DOT1L: variants seen among roughly 807,000 people sequenced by gnomAD.
DOT1L encodes the protein DOT1 like histone lysine methyltransferase.
In DOT1L, 33 loss-of-function variants were observed where a neutral mutation model predicts 153.3. That is an observed-to-expected ratio of 0.22 (90% CI 0.16 to 0.29). The LOEUF (loss-of-function observed/expected upper bound fraction) is 0.29, where lower values mean the gene tolerates loss of function less well. DOT1L is among the 10% of genes least tolerant of loss of function. The pLI, the probability that DOT1L is intolerant of heterozygous loss-of-function variation, is 1.00. For missense variants in DOT1L, 1,847 were observed against 2,119.9 expected (o/e 0.87, Z 2.53); for synonymous variants, 1,135 against 965.1 (o/e 1.18, Z -3.26).
intron 1 of DOT1L, among the ~76,000 whole-genome samples, chr19:2,170,241 AGATAGTGTCC>A (rs1174158178): frequency 6.6e-6 from 1 of 152,236 alleles, no homozygotes; most frequent in Non-Finnish European, 1.5e-5. Flanking sequence ...AGGAACAGGA[AGATAGTGTCC>A]GAGACCAGGA....
chr19:2,166,389 C>T (rs911412565), intron 1 of DOT1L, among the ~76,000 whole-genome samples: 1 of 151,754 alleles, frequency 6.6e-6, no homozygotes, highest in African/African-American at 2.4e-5. Context: ...AGCCACCTCG[C>T]CTGGCCTCAC....
At chr19:2,228,542 C>A (rs745415298) in intron 27 of DOT1L, 20 of 985,334 alleles carry the variant, frequency 2.0e-5, no homozygotes, top group Non-Finnish European at 2.4e-5. Flanking sequence ...AGAGGAGGGA[C>A]TACAGGACGG....
intron 18 of DOT1L, 81 bp from the exon 19 acceptor site, chr19:2,214,390 C>T (rs2023826138): frequency 3.2e-6 from 5 of 1,561,462 alleles, no homozygotes; most frequent in South Asian, 2.4e-5. Flanking sequence ...GAGGCAGGCC[C>T]AGGGAACCCT....
At position 2,226,838 on chromosome 19, in the gene DOT1L, C is replaced by T; in HGVS notation, c.4317C>T (p.Leu1439=). 1 of 1,580,800 alleles carries T rather than the reference C, an allele frequency of 6.3e-7. No homozygotes were observed. Among genetic ancestry groups the T allele is most frequent in the Non-Finnish European group, 8.5e-7 (1 of 1,171,684 alleles). ...SAAAVPPGSL[L]SGPGLAPAAS... ...CGGCCGTGCCTCCCGGAAGCCTCCT[C>T]AGCGGCCCCGGCCTGGCCCCGGCGG... Residue 1439 remains leucine (L), a synonymous_variant, in exon 27 of 28, where the codon CTC becomes CTT. Coordinates refer to ENST00000398665, the MANE Select transcript of DOT1L (RefSeq NM_032482.3).
Position 2,229,772 on chromosome 19 carries a change from T to C in DOT1L, c.4607-13T>C. On this transcript the variant is annotated splice_polypyrimidine_tract_variant and intron_variant, in intron 27 of 27. Transcript: ENST00000398665. Reference sequence around the variant, plus strand: ...TAACCTCAGGCCGCTCTTCCCGCTGTGCCCTTCTGCAGGTAACTAGGATTT... The same window carrying C: ...TAACCTCAGGCCGCTCTTCCCGCTGCGCCCTTCTGCAGGTAACTAGGATTT... 6.2e-7 allele frequency: 1 copy of C among 1,613,302 alleles called. No individual in the cohort carries two copies. Among genetic ancestry groups the C allele is most frequent in the Non-Finnish European group, 8.5e-7 (1 of 1,179,952 alleles).
chr19:2,191,868 C>T lies in DOT1L; in HGVS notation c.493+628C>T, dbSNP rs531925175. ...GTGAGGTGTCGTCTCCTCTCAACCA[C>T]GGGCGGGGCTCCTTGAAACGAGGCC... On this transcript the variant is annotated intron_variant, in intron 5 of 27. Transcript: ENST00000398665. This position sits in a 1 kb window ranked among gnomAD's most constrained non-coding sequence, Gnocchi z 6.8. 3.1e-4 allele frequency among the ~76,000 whole-genome samples: 47 copies of T among 152,328 alleles called. No homozygotes were observed. In the South Asian group the frequency reaches 3.5e-3, roughly 11 times the overall value.
intron 2 of DOT1L, 66 bp from the exon 3 acceptor site, chr19:2,185,789 A>AC (rs1226881487): frequency 6.4e-7 from 1 of 1,570,708 alleles, no homozygotes; most frequent in Non-Finnish European, 8.8e-7. Context: ...CAAAAACAAA[A>AC]ACAAAACACA....
In DOT1L at chr19:2,226,839, A is replaced by G; in HGVS notation, c.4318A>G (p.Ser1440Gly). The G allele has an allele frequency of 2.5e-6, 4 of 1,579,850 alleles. No homozygotes were observed. The highest frequency in any genetic ancestry group is 3.4e-6 in the Non-Finnish European group (4 of 1,171,354). The change falls in exon 27 of 28, where the codon AGC becomes GGC. Residue 1440 changes from serine to glycine, a missense_variant. Ser to Gly is a moderately conservative substitution (Grantham distance 56). Around this residue, in one of 8 missense-constraint regions of DOT1L, gnomAD observed 934 missense variants for 825.3 expected, o/e 1.13. Transcript: ENST00000398665. Reference sequence around the variant, plus strand: ...GGCCGTGCCTCCCGGAAGCCTCCTCAGCGGCCCCGGCCTGGCCCCGGCGGC... The same window carrying G: ...GGCCGTGCCTCCCGGAAGCCTCCTCGGCGGCCCCGGCCTGGCCCCGGCGGC... ...AAAVPPGSLL[S>G]GPGLAPAASS...
chr19:2,230,332 C>A lies in DOT1L; in HGVS notation c.*540C>A. ...ACATTCCTCGGAGGCCTCCCCGCGG[C>A]CTGAGCCCCTTCCTGAGCGCCCTGG... On this transcript the variant is annotated 3_prime_UTR_variant, in exon 28 of 28. Transcript: ENST00000398665. 2 of 415,636 alleles carry A rather than the reference C, an allele frequency of 4.8e-6. No homozygotes were observed. The highest frequency in any genetic ancestry group is 4.2e-6 in the Non-Finnish European group (1 of 236,912). The allele number at this position is 415,636 out of a possible 1,614,324, so 25.7% of individuals were successfully genotyped here.
intron 25 of DOT1L, among the ~76,000 whole-genome samples, chr19:2,225,117 A>T (rs1453418884): frequency 3.3e-5 from 5 of 152,186 alleles, no homozygotes; most frequent in African/African-American, 1.2e-4. Context: ...TCTCCCATTC[A>T]GCTGCTGTGC....
chr19:2,171,797 G>T (rs1032781580), intron 1 of DOT1L, among the ~76,000 whole-genome samples: 2 of 152,216 alleles, frequency 1.3e-5, no homozygotes, highest in Admixed American at 1.3e-4. Flanking sequence ...TGAAGTTAGC[G>T]TAATGGGAGT....
In DOT1L at chr19:2,191,339, C is replaced by G. The variant is rs545505472; in HGVS notation, c.493+99C>G. 28 of 1,255,184 alleles carry G rather than the reference C, an allele frequency of 2.2e-5. 1 individual carries two copies. In the African/African-American group the frequency reaches 3.2e-4, roughly 15 times the overall value. 77.8% of individuals were successfully genotyped at this position (1,255,184 alleles called of 1,614,324 possible). ...TGGAGAAGAGTTTATCAGGGACTTG[C>G]GACGTTGGCGTGGACAGTGCTTCCT... On this transcript the variant is annotated intron_variant, in intron 5 of 27. Coordinates refer to ENST00000398665, the MANE Select transcript of DOT1L (RefSeq NM_032482.3). This position sits in a 1 kb window ranked among gnomAD's most constrained non-coding sequence, Gnocchi z 6.8.
rs1468542346 is a variant in DOT1L at position 2,207,921 on chromosome 19, C to T, written c.963+241C>T. 1.3e-5 allele frequency among the ~76,000 whole-genome samples: 2 copies of T among 152,108 alleles called. No homozygotes were observed. Among genetic ancestry groups the T allele is most frequent in the African/African-American group, 4.8e-5 (2 of 41,432 alleles). On this transcript the variant is annotated intron_variant, in intron 11 of 27. Coordinates refer to ENST00000398665, the MANE Select transcript of DOT1L (RefSeq NM_032482.3). The surrounding 1 kb of genome is among the most constrained non-coding windows in gnomAD (Gnocchi z 4.5). ...CTGGGTGAGGGCTGAGTGCTGTCTC[C>T]CCTAGTCTACGCTCAGCTCCTGGGG...
rs1359637777 is a variant in DOT1L at position 2,207,432 on chromosome 19, A to G, written c.857-142A>G. The stretch of plus-strand genomic sequence containing the variant: ...CTCCCTGGGCCGGCCTCTGTGGGCC[A>G]CTGTGGCCTGACGCAGTGTGGGAGA... On this transcript the variant is annotated intron_variant, in intron 10 of 27. Transcript: ENST00000398665. This position sits in a 1 kb window ranked among gnomAD's most constrained non-coding sequence, Gnocchi z 4.5. 1.5e-6 allele frequency: 1 copy of G among 681,370 alleles called. No homozygotes were observed. The highest frequency in any genetic ancestry group is 2.8e-5 in the East Asian group (1 of 35,718). 42.2% of individuals were successfully genotyped at this position (681,370 alleles called of 1,614,324 possible).
chr19:2,164,328 AC>A, intron 1 of DOT1L, 63 bp downstream of exon 1: 1 of 1,146,724 alleles, frequency 8.7e-7, no homozygotes, highest in Non-Finnish European at 1.1e-6. Flanking sequence ...CCCTGGGGAC[AC>A]CCCAAACCCC....
At chr19:2,180,666 C>G in intron 1 of DOT1L, 47 bp from the exon 2 acceptor site, 1 of 1,610,102 alleles carries the variant, frequency 6.2e-7, no homozygotes, top group Non-Finnish European at 8.5e-7. Context: ...GATGGGCTCA[C>G]GGGGTGGAGG....
chr19:2,174,958 A>ATATGTG (rs2021840765), intron 1 of DOT1L, among the ~76,000 whole-genome samples: 2 of 129,992 alleles, frequency 1.5e-5, no homozygotes, highest in African/African-American at 5.8e-5. Context: ...TTTTAAATAT[A>ATATGTG]TGTGTGTGTG....
intron 27 of DOT1L, chr19:2,229,454 ATGCGGGCACC>A (rs1401552571): frequency 1.8e-5 from 18 of 985,346 alleles, no homozygotes; most frequent in Non-Finnish European, 2.2e-5. Flanking sequence ...TGGCGGGTCA[ATGCGGGCACC>A]TGCGGGCTGG....
chr19:2,167,104 C>G (rs543195364), intron 1 of DOT1L, among the ~76,000 whole-genome samples: 1 of 152,304 alleles, frequency 6.6e-6, no homozygotes, highest in Admixed American at 6.5e-5. Context: ...CTGTGGGTCA[C>G]AGGACTGTGG....
Sources: gnomAD v4.1 joint callset for allele counts (sites outside exome capture counted in the v4.1 genomes callset) on GRCh38, gnomAD v4.1.1 for gene constraint, gnomAD v4.1.1 regional missense constraint, Gnocchi (gnomAD v3.1) non-coding constraint, MANE v1.5 for transcripts, NCBI Gene and HGNC (gene_info 2026-07-23, HGNC 2026-07-21) for gene names.